The following COX7B2 variants were observed in gnomAD, a reference collection of about 807,000 sequenced individuals.
COX7B2 encodes cytochrome c oxidase subunit 7B2, mitochondrial.
For synonymous variants in COX7B2, 37 were observed against 32.1 expected (o/e 1.15, Z -0.51); for missense variants, 109 against 95.9 (o/e 1.14, Z -0.57).
At chr4:46,829,945 G>C (rs1269756620) in intron 2 of COX7B2, among the ~76,000 whole-genome samples, 1 of 152,130 alleles carries the variant, frequency 6.6e-6, no homozygotes, top group Non-Finnish European at 1.5e-5. Flanking sequence ...AGAATGTGAA[G>C]AAATAATTAA....
intron 2 of COX7B2, among the ~76,000 whole-genome samples, chr4:46,814,840 C>G (rs1016119709): frequency 1.3e-5 from 2 of 152,120 alleles, no homozygotes; most frequent in Admixed American, 1.3e-4. Flanking sequence ...ACAATTCTAT[C>G]ATTCTTCTAT....
chr4:46,858,473 A>T (rs1717139587), intron 1 of COX7B2, among the ~76,000 whole-genome samples: 1 of 152,204 alleles, frequency 6.6e-6, no homozygotes, highest in African/African-American at 2.4e-5. Flanking sequence ...CATTCATGAA[A>T]ATATTAGTTT....
chr4:46,854,134 T>C (rs917155881), intron 1 of COX7B2, among the ~76,000 whole-genome samples: 3 of 152,274 alleles, frequency 2.0e-5, no homozygotes, highest in African/African-American at 7.2e-5. Context: ...GGAACAAATA[T>C]ATTATAATCT....
chr4:46,870,465 T>C (rs1055029211), intron 1 of COX7B2, among the ~76,000 whole-genome samples: 23 of 152,116 alleles, frequency 1.5e-4, no homozygotes, highest in Non-Finnish European at 2.9e-4. Context: ...CTTTTCAACA[T>C]AGTACTGGAA....
chr4:46,891,799 A>G (rs894452715), intron 1 of COX7B2, among the ~76,000 whole-genome samples: 2 of 152,200 alleles, frequency 1.3e-5, no homozygotes, highest in Non-Finnish European at 2.9e-5. Context: ...AGGGCAATAC[A>G]TCCTGCAAGC....
rs571210958 is a variant in COX7B2, at chr4:46,809,923, A to G, written c.-50+35037T>C. Among the ~76,000 whole-genome samples the G allele has an allele frequency of 3.3e-5, 5 of 151,976 alleles. No homozygotes were observed. The East Asian group carries it at 5.8e-4, about 18-fold the overall frequency. On this transcript the variant is annotated intron_variant, in intron 2 of 2. Coordinates refer to ENST00000355591, the MANE Select transcript of COX7B2 (RefSeq NM_130902.3). ...AATAGTTTACATATTTAGGTGGTCCAATGTTGTGTAAATATATATTTTCAA... is the reference window on the plus strand; with the variant it reads ...AATAGTTTACATATTTAGGTGGTCCGATGTTGTGTAAATATATATTTTCAA...
chr4:46,827,176 A>T (rs1366521633), intron 2 of COX7B2, among the ~76,000 whole-genome samples: 4 of 152,088 alleles, frequency 2.6e-5, no homozygotes, highest in African/African-American at 9.6e-5. Flanking sequence ...GAAAGAAAAA[A>T]ATATTTGCAG....
At chr4:46,812,672 G>GTCTA (rs1239371127) in intron 2 of COX7B2, among the ~76,000 whole-genome samples, 1 of 152,160 alleles carries the variant, frequency 6.6e-6, no homozygotes, top group Non-Finnish European at 1.5e-5. Flanking sequence ...GACTGTAGGA[G>GTCTA]TCTAGTCCAG....
intron 1 of COX7B2, among the ~76,000 whole-genome samples, chr4:46,883,381 A>AT (rs5858042): frequency 0.51 from 77,008 of 150,772 alleles, 19,793 homozygotes; most frequent in East Asian, 0.66. Flanking sequence ...CCCTTTCTGT[A>AT]TTTTTTTTTA....
At chr4:46,819,209 T>C (rs552921760) in intron 2 of COX7B2, among the ~76,000 whole-genome samples, 1 of 152,232 alleles carries the variant, frequency 6.6e-6, no homozygotes, top group South Asian at 2.1e-4. Context: ...GAGGGTAAAT[T>C]TGATCTGGAG....
Position 46,739,634 on chromosome 4 carries a change from T to C in COX7B2, c.-49-4393A>G, listed in dbSNP as rs148721847. Among the ~76,000 whole-genome samples the C allele has an allele frequency of 2.3e-4, 35 of 152,214 alleles. No homozygotes were observed. The East Asian group carries it at 5.0e-3, about 22-fold the overall frequency. On this transcript the variant is annotated intron_variant, in intron 2 of 2. Coordinates refer to ENST00000355591, the MANE Select transcript of COX7B2 (RefSeq NM_130902.3). ...ATCCTAGGAATGGTTTTAGAAGAGA[T>C]GATACCTAAGCTAGATCTTGAAATA...
intron 2 of COX7B2, among the ~76,000 whole-genome samples, chr4:46,768,323 G>A (rs554040819): frequency 8.5e-5 from 13 of 152,268 alleles, no homozygotes; most frequent in South Asian, 2.1e-4. Context: ...CCGTCCCCAC[G>A]CAAATTCCAC....
chr4:46,841,335 CTGTGTGTGTGTGTGTGTG>C (rs145768502), intron 2 of COX7B2, among the ~76,000 whole-genome samples: 1 of 139,794 alleles, frequency 7.2e-6, no homozygotes, highest in Non-Finnish European at 1.5e-5. Flanking sequence ...CAAATGTGCT[CTGTGTGTGTGTGTGTGTG>C]TGTGTGTGTG....
chr4:46,741,313 T>C (rs1714692285), intron 2 of COX7B2, among the ~76,000 whole-genome samples: 2 of 152,110 alleles, frequency 1.3e-5, no homozygotes, highest in Admixed American at 1.3e-4. Flanking sequence ...AATAATTCTT[T>C]GTTGGAGAGG....
intron 2 of COX7B2, among the ~76,000 whole-genome samples, chr4:46,801,546 C>G (rs890708374): frequency 1.3e-5 from 2 of 152,054 alleles, no homozygotes; most frequent in South Asian, 4.1e-4. Context: ...AAGGGAACGA[C>G]AGACACCAGG....
At chr4:46,815,625 A>G (rs1560399100) in intron 2 of COX7B2, among the ~76,000 whole-genome samples, 2 of 152,156 alleles carry the variant, frequency 1.3e-5, no homozygotes, top group South Asian at 4.1e-4. Flanking sequence ...TGCAGATTCA[A>G]TTTTGCACAA....
intron 2 of COX7B2, among the ~76,000 whole-genome samples, chr4:46,773,290 G>A (rs1716980095): frequency 6.6e-6 from 1 of 152,072 alleles, no homozygotes; most frequent in Admixed American, 6.5e-5. Flanking sequence ...AATCATGGGG[G>A]CAGTTACCCC....
intron 1 of COX7B2, among the ~76,000 whole-genome samples, chr4:46,867,428 G>T (rs910206741): frequency 2.6e-5 from 4 of 152,196 alleles, no homozygotes. Context: ...GTCTCTAGCT[G>T]CCTTTGATGC....
intron 2 of COX7B2, among the ~76,000 whole-genome samples, chr4:46,798,867 C>A (rs1302050497): frequency 6.6e-6 from 1 of 152,162 alleles, no homozygotes; most frequent in Non-Finnish European, 1.5e-5. Flanking sequence ...GCTGCAATGC[C>A]TTTTCTCTCT....
Sources: gnomAD v4.1 joint callset for allele counts (sites outside exome capture counted in the v4.1 genomes callset) on GRCh38, gnomAD v4.1.1 for gene constraint, MANE v1.5 for transcripts, NCBI Gene and HGNC (gene_info 2026-07-23, HGNC 2026-07-21) for gene names.